C16orf46: variants seen among roughly 807,000 people sequenced by gnomAD.
C16orf46 encodes the protein chromosome 16 open reading frame 46.
In C16orf46, 7 loss-of-function variants were observed where a neutral mutation model predicts 5.5. The ratio of observed to expected loss-of-function variants is 1.28; its 90% CI spans 0.73 to 2.40. The LOEUF is 2.40. C16orf46 is among the 30% of genes most tolerant of loss of function. The pLI is 0.00. For missense variants in C16orf46, 614 were observed against 476.0 expected, an observed-to-expected ratio of 1.29 and a Z score of -2.70; for synonymous variants, 200 against 184.1, an observed-to-expected ratio of 1.09 and a Z score of -0.70.
intron 1 of C16orf46, among the ~76,000 whole-genome samples, chr16:81,069,537 A>G (rs1971773907): frequency 6.6e-6 from 1 of 151,986 alleles, no homozygotes; most frequent in Non-Finnish European, 1.5e-5. Flanking sequence ...AATCACAGAC[A>G]TTGCCTCACT....
At chr16:81,067,908 A>G (rs972890142) in intron 1 of C16orf46, among the ~76,000 whole-genome samples, 1 of 152,230 alleles carries the variant, frequency 6.6e-6, no homozygotes, top group Non-Finnish European at 1.5e-5. Flanking sequence ...AGAAAAAAAC[A>G]CACAGATCTA....
In C16orf46 at chr16:81,061,810, G is replaced by A. The variant is rs1428304612; in HGVS notation, c.539C>T (p.Thr180Ile). The A allele has an allele frequency of 6.2e-7, 1 of 1,614,188 alleles. No homozygotes were observed. Among genetic ancestry groups the A allele is most frequent in the Non-Finnish European group, 8.5e-7 (1 of 1,180,034 alleles). ...WCNKDWAIPG[T>I]NRGKASGNPS... ...ATTCCCAGAGGCCTTGCCCCTATTAGTGCCGGGGATGGCCCAGTCTTTGTT... is the reference window on the plus strand; with the variant it reads ...ATTCCCAGAGGCCTTGCCCCTATTAATGCCGGGGATGGCCCAGTCTTTGTT... Residue 180 changes from threonine (T) to isoleucine (I), a missense_variant, in exon 4 of 4, where the codon ACT (threonine) becomes ATT (isoleucine). Physicochemically the swap from Thr to Ile is moderately conservative, Grantham distance 89. Transcript: ENST00000299578.
chr16:81,062,481 T>G (rs1971517719), intron 3 of C16orf46, among the ~76,000 whole-genome samples: 1 of 152,236 alleles, frequency 6.6e-6, no homozygotes, highest in African/African-American at 2.4e-5. Flanking sequence ...CACTTTGATG[T>G]GCTGACTATA....
At chr16:81,074,661 G>T (rs1373550365) in intron 1 of C16orf46, among the ~76,000 whole-genome samples, 1 of 151,986 alleles carries the variant, frequency 6.6e-6, no homozygotes, top group Non-Finnish European at 1.5e-5. Context: ...GGGATTACAG[G>T]CATGAGCCAC....
At chr16:81,076,600 C>T (rs1269383087) in intron 1 of C16orf46, 1 of 152,414 alleles carries the variant, frequency 6.6e-6, no homozygotes, top group Non-Finnish European at 1.5e-5. Flanking sequence ...AAAGCAGCAT[C>T]CGTCTTCTCT....
chr16:81,075,810 C>G (rs1972019034), intron 1 of C16orf46, among the ~76,000 whole-genome samples: 1 of 152,150 alleles, frequency 6.6e-6, no homozygotes, highest in Non-Finnish European at 1.5e-5. Context: ...TGACAGATTC[C>G]TAATCCATTA....
At chr16:81,076,729 C>G (rs1972054878) in intron 1 of C16orf46, 1 of 152,686 alleles carries the variant, frequency 6.5e-6, no homozygotes, top group African/African-American at 2.4e-5. Flanking sequence ...CTAGCCCCGC[C>G]CCTTCCTGCA....
chr16:81,054,936 C>T (rs1971253141), intron 3 of C16orf46, among the ~76,000 whole-genome samples: 1 of 152,216 alleles, frequency 6.6e-6, no homozygotes, highest in South Asian at 2.1e-4. Context: ...GTGTGAGCCA[C>T]CGTGCCTGGC....
intron 3 of C16orf46, among the ~76,000 whole-genome samples, chr16:81,062,457 T>C (rs1273072722): frequency 6.6e-6 from 1 of 152,252 alleles, no homozygotes; most frequent in Non-Finnish European, 1.5e-5. Context: ...TAAGCAACAG[T>C]ATTTGTAAAT....
chr16:81,056,935 G>C (rs1971314424), downstream of C16orf46, among the ~76,000 whole-genome samples: 1 of 152,122 alleles, frequency 6.6e-6, no homozygotes, highest in African/African-American at 2.4e-5. Flanking sequence ...GTGGGCTCCA[G>C]ATTACTAATT....
At chr16:81,075,255 TCTC>T (rs1462880126) in intron 1 of C16orf46, among the ~76,000 whole-genome samples, 8 of 19,564 alleles carry the variant, frequency 4.1e-4, no homozygotes, top group East Asian at 1.7e-3. Flanking sequence ...TCTCTCTCTC[TCTC>T]TTTTTTTTTT....
At position 81,063,614 on chromosome 16, in the gene C16orf46, C is replaced by G; in HGVS notation, c.210+132G>C. ...TCTTATCATCAGTAATATTTTACCT[C>G]AATTCCAGGGTTTCTACATGTCATT... On this transcript the variant is annotated intron_variant, in intron 3 of 3. Transcript: ENST00000299578. 4.0e-6 allele frequency: 3 copies of G among 743,770 alleles called. No homozygotes were observed. In the South Asian group the frequency reaches 5.5e-5, roughly 14 times the overall value. The allele number at this position is 743,770 out of a possible 1,614,324, so 46.1% of individuals were successfully genotyped here. A position where few individuals can be genotyped will look rare whatever the true frequency, so the allele number is the denominator to read the frequency against.
chr16:81,056,419 G>A (rs1180682057), downstream of C16orf46: 4 of 152,180 alleles, frequency 2.6e-5, no homozygotes, highest in East Asian at 7.7e-4. Flanking sequence ...GACTTCGCAG[G>A]GTGCGGTGGC....
downstream of C16orf46, among the ~76,000 whole-genome samples, chr16:81,057,457 G>A (rs1034565819): frequency 6.6e-6 from 1 of 151,076 alleles, no homozygotes; most frequent in Non-Finnish European, 1.5e-5. Flanking sequence ...TCTGAGGCAG[G>A]AGAATTGCTT....
In C16orf46 at chr16:81,061,992, A is replaced by G. The variant is rs764444536; in HGVS notation, c.357T>C (p.Thr119=). 1 of 1,614,110 alleles carries G rather than the reference A, an allele frequency of 6.2e-7. No homozygotes were observed. The highest frequency in any genetic ancestry group is 8.5e-7 in the Non-Finnish European group (1 of 1,180,016). The stretch of plus-strand genomic sequence containing the variant: ...TCTGATCCTTCTCTGGGCCCCCCTC[A>G]GTAGGAGGCTTGGTCTGGAGGCTCC... ...SHWSLQTKPP[T]EGGPEKDQSS... Residue 119 remains threonine (T), a synonymous_variant, in exon 4 of 4, where the codon ACT becomes ACC. Transcript: ENST00000299578.
At chr16:81,062,173 A>C (rs758651996) in intron 3 of C16orf46, 35 bp from the exon 4 acceptor site, 2 of 1,520,964 alleles carry the variant, frequency 1.3e-6, no homozygotes, top group Non-Finnish European at 1.8e-6. Flanking sequence ...CCTCCAGCTG[A>C]GGGGCCCAAA....
intron 1 of C16orf46, among the ~76,000 whole-genome samples, chr16:81,068,565 A>ATTTT (rs33943128): frequency 0.065 from 8,511 of 131,252 alleles, 415 homozygotes; most frequent in East Asian, 0.16. Context: ...ATTTCTTTGT[A>ATTTT]TTTTTTTTTT....
At chr16:81,056,589 G>A (rs1971302372), downstream of C16orf46, among the ~76,000 whole-genome samples, 6 of 151,294 alleles carry the variant, frequency 4.0e-5, no homozygotes, top group Admixed American at 2.7e-4. Flanking sequence ...CCAGCTACTC[G>A]GGAGGCTGAG....
At chr16:81,064,984 G>C (rs1408182315) in intron 2 of C16orf46, among the ~76,000 whole-genome samples, 1 of 152,058 alleles carries the variant, frequency 6.6e-6, no homozygotes, top group African/African-American at 2.4e-5. Flanking sequence ...AAAACAGTAG[G>C]TGATGGTGAT....
Sources: gnomAD v4.1 joint callset for allele counts (sites outside exome capture counted in the v4.1 genomes callset) on GRCh38, gnomAD v4.1.1 for gene constraint, MANE v1.5 for transcripts, NCBI Gene and HGNC (gene_info 2026-07-23, HGNC 2026-07-21) for gene names.